SULF2: variants seen among roughly 807,000 people sequenced by gnomAD.
The protein encoded by SULF2 is sulfatase 2.
In SULF2, 52 loss-of-function variants were observed where a neutral mutation model predicts 107.7. The observed-to-expected ratio is 0.48, with a 90% CI of 0.39 to 0.61. The LOEUF (loss-of-function observed/expected upper bound fraction) is 0.61. SULF2 is among the 20% of genes least tolerant of loss of function. The pLI is 0.00. For synonymous variants in SULF2, 460 were observed against 464.3 expected, an observed-to-expected ratio of 0.99 and a Z score of 0.12; for missense variants, 993 against 1,177.3, an observed-to-expected ratio of 0.84 and a Z score of 2.29.
intron 3 of SULF2, among the ~76,000 whole-genome samples, chr20:47,731,182 CTTCTCTTTTT>C (rs1450898331): frequency 3.0e-5 from 3 of 99,616 alleles, no homozygotes; most frequent in East Asian, 3.1e-4. Flanking sequence ...TCACCTGTAT[CTTCTCTTTTT>C]TTTTTTTTTT....
intron 1 of SULF2, among the ~76,000 whole-genome samples, chr20:47,769,548 C>T (rs2090589877): frequency 6.6e-6 from 1 of 152,074 alleles, no homozygotes; most frequent in South Asian, 2.1e-4. Context: ...CTCGCATGGG[C>T]AGGGGCTGTC....
intron 1 of SULF2, among the ~76,000 whole-genome samples, chr20:47,758,898 G>C (rs983193260): frequency 7.9e-5 from 12 of 152,176 alleles, no homozygotes; most frequent in African/African-American, 2.9e-4. Context: ...CCAGCCATCA[G>C]CTCAAAGTCA....
rs775506195 is a variant in SULF2 at position 47,666,239 on chromosome 20, G to A, written c.1805+21C>T. ...GGTCTGTCCTGTCCCCTTCACCCTC[G>A]ACTTCCACCTGGACACTCACCGATG... On this transcript the variant is annotated intron_variant, in intron 12 of 20. Transcript: ENST00000688720. This position sits in a 1 kb window ranked among gnomAD's most constrained non-coding sequence, Gnocchi z 5.4. 9 of 1,612,144 alleles carry A rather than the reference G, an allele frequency of 5.6e-6. No individual in the cohort carries two copies. Among genetic ancestry groups the A allele is most frequent in the South Asian group, 1.1e-5 (1 of 90,988 alleles).
intron 14 of SULF2, among the ~76,000 whole-genome samples, 174 bp downstream of exon 14, chr20:47,665,025 C>T (rs1339147909): frequency 6.6e-6 from 1 of 152,184 alleles, no homozygotes; most frequent in Non-Finnish European, 1.5e-5. Flanking sequence ...GGAGCAGGTC[C>T]GTGTGCCACA....
chr20:47,675,306 G>A (rs2087605036), intron 10 of SULF2, among the ~76,000 whole-genome samples: 1 of 152,150 alleles, frequency 6.6e-6, no homozygotes, highest in Non-Finnish European at 1.5e-5. Context: ...CTTCTGTTGA[G>A]CATGTTCGAG....
chr20:47,744,613 T>C (rs2089964329), intron 2 of SULF2, among the ~76,000 whole-genome samples: 1 of 152,012 alleles, frequency 6.6e-6, no homozygotes, highest in African/African-American at 2.4e-5. Flanking sequence ...GAAAAATCTA[T>C]AGATGGTCTT....
intron 20 of SULF2, among the ~76,000 whole-genome samples, chr20:47,658,655 A>C (rs770564547): frequency 2.6e-5 from 4 of 152,180 alleles, no homozygotes; most frequent in African/African-American, 9.7e-5. Context: ...TCTGTACCTT[A>C]ATTCTAGAAG....
At chr20:47,712,776 G>A (rs1287324897) in intron 3 of SULF2, among the ~76,000 whole-genome samples, 1 of 152,258 alleles carries the variant, frequency 6.6e-6, no homozygotes, top group African/African-American at 2.4e-5. Flanking sequence ...GCTCACGCCT[G>A]TAATCCCAGC....
intron 1 of SULF2, among the ~76,000 whole-genome samples, chr20:47,770,876 C>T (rs1027261256): frequency 2.0e-5 from 3 of 152,162 alleles, no homozygotes; most frequent in African/African-American, 7.2e-5. Flanking sequence ...AGCGAGGGTC[C>T]CAGTGATCCA....
intron 7 of SULF2, among the ~76,000 whole-genome samples, chr20:47,682,634 C>T (rs1189142860): frequency 3.3e-5 from 5 of 152,156 alleles, no homozygotes; most frequent in Non-Finnish European, 5.9e-5. Flanking sequence ...TGCTGTGGTC[C>T]GGGGTTCCTC....
chr20:47,780,611 TA>T (rs2090813686), intron 1 of SULF2, among the ~76,000 whole-genome samples: 1 of 152,080 alleles, frequency 6.6e-6, no homozygotes, highest in Non-Finnish European at 1.5e-5. Context: ...TGGAGTGCAG[TA>T]GTGCGATCTC....
At position 47,726,791 on chromosome 20, in the gene SULF2, C is replaced by G. The variant is rs1029257361; in HGVS notation, c.415+9912G>C. On this transcript the variant is annotated intron_variant, in intron 3 of 20. Coordinates refer to ENST00000688720, the MANE Select transcript of SULF2 (RefSeq NM_001387048.1). ...ACAAAAGGTCTCATGCACTCTGAAA[C>G]CCCCGGAAGCCTCTTGAGGCCCAGG... Among the ~76,000 whole-genome samples the G allele has an allele frequency of 4.6e-5, 7 of 152,340 alleles. No individual in the cohort carries two copies. In the South Asian group the frequency reaches 1.0e-3, roughly 23 times the overall value.
intron 3 of SULF2, among the ~76,000 whole-genome samples, chr20:47,708,330 C>G (rs1324356151): frequency 6.6e-6 from 1 of 152,044 alleles, no homozygotes; most frequent in African/African-American, 2.4e-5. Flanking sequence ...TCCCTGAAGC[C>G]AGTACAAACG....
intron 1 of SULF2, among the ~76,000 whole-genome samples, chr20:47,780,322 C>T (rs1300685095): frequency 1.3e-5 from 2 of 152,026 alleles, no homozygotes; most frequent in Non-Finnish European, 2.9e-5. Context: ...TGGCCTACCC[C>T]ACTTGACTTC....
rs1001476428 is a variant in SULF2 at position 47,785,466 on chromosome 20, C to CGCCGCT, written c.-230_-225dup. ...CCGCTGCCGCTGCCGCCGCCGCCGC[C>CGCCGCT]GCCGCTGCCGCTGCTGCATCCCCCG... On this transcript the variant is annotated 5_prime_UTR_variant, in exon 1 of 21. Transcript: ENST00000688720. The CGCCGCT allele has an allele frequency of 3.1e-5, 5 of 159,634 alleles. No homozygotes were observed. Among genetic ancestry groups the CGCCGCT allele is most frequent in the South Asian group, 1.7e-4 (1 of 5,860 alleles). The allele number at this position is 159,634 out of a possible 1,614,324, so 9.9% of individuals were successfully genotyped here.
intron 3 of SULF2, among the ~76,000 whole-genome samples, chr20:47,731,185 C>T (rs117150724): frequency 0.022 from 2,055 of 92,172 alleles, 87 homozygotes; most frequent in African/African-American, 0.052. Context: ...CCTGTATCTT[C>T]TCTTTTTTTT....
rs1489828197 is a variant in SULF2 at position 47,757,155 on chromosome 20, GGCCGAGGT to G, written c.175+26_175+33del. 6.6e-6 allele frequency: 10 copies of G among 1,525,706 alleles called. No individual in the cohort carries two copies. The East Asian group carries it at 2.5e-4, about 38-fold the overall frequency. The allele number at this position is 1,525,706 out of a possible 1,614,324, so 94.5% of individuals were successfully genotyped here. A position where few individuals can be genotyped will look rare whatever the true frequency, so the allele number is the denominator to read the frequency against. On this transcript the variant is annotated intron_variant, in intron 2 of 20. Transcript: ENST00000688720. ...CTAACCCAGGGACCCTGCTCCGAGG[GGCCGAGGT>G]GCCACCCTGGGGCCCCGAGGCTTAC...
chr20:47,743,995 C>T (rs183361441), intron 2 of SULF2, among the ~76,000 whole-genome samples: 107 of 152,226 alleles, frequency 7.0e-4, no homozygotes, highest in Admixed American at 1.6e-3. Context: ...TTCCTTCTTG[C>T]CTTTTGCTGC....
chr20:47,692,378 G>T (rs532751239), intron 4 of SULF2, among the ~76,000 whole-genome samples: 2 of 152,210 alleles, frequency 1.3e-5, no homozygotes, highest in East Asian at 3.9e-4. Flanking sequence ...ACCAGCAGGA[G>T]GATATATGTT....
Sources: allele counts gnomAD v4.1 joint callset (sites outside exome capture counted in the v4.1 genomes callset), GRCh38; gene constraint gnomAD v4.1.1; non-coding constraint Gnocchi (gnomAD v3.1); transcripts MANE v1.5; gene names NCBI Gene and HGNC (gene_info 2026-07-23, HGNC 2026-07-21).